The following FLRT3 variants were observed in gnomAD, a reference collection of about 807,000 sequenced individuals.
FLRT3 encodes the protein leucine-rich repeat transmembrane protein FLRT3.
A neutral mutation model predicts 42.6 loss-of-function variants in FLRT3; 17 were observed. That is an observed-to-expected ratio of 0.40 (90% CI 0.27 to 0.60). FLRT3 has a LOEUF of 0.60. Among genes scored for constraint, FLRT3 ranks in the 20% least tolerant of loss-of-function variants. FLRT3 has a pLI of 0.44. For synonymous variants in FLRT3, 279 were observed against 286.4 expected (o/e 0.97, Z 0.26); for missense variants, 635 against 789.2 (o/e 0.80, Z 2.34).
chr20:14,333,601 T>A (rs1165327061), intron 1 of FLRT3, among the ~76,000 whole-genome samples: 2 of 152,156 alleles, frequency 1.3e-5, no homozygotes, highest in Non-Finnish European at 2.9e-5. Flanking sequence ...TAAACCACGT[T>A]TTACCATTGC....
chr20:14,326,134 G>GT lies in FLRT3; in HGVS notation c.1372dup (p.Thr458AsnfsTer6), dbSNP rs2082730330. 1 of 1,613,728 alleles carries GT rather than the reference G, an allele frequency of 6.2e-7. No individual in the cohort carries two copies. The highest frequency in any genetic ancestry group is 8.5e-7 in the Non-Finnish European group (1 of 1,179,856). On this transcript the variant is annotated frameshift_variant, in exon 3 of 3. Transcript: ENST00000341420. LOFTEE classifies it high-confidence loss of function. This position sits in a 1 kb window ranked among gnomAD's most constrained non-coding sequence, Gnocchi z 5.5. Reference sequence around the variant, plus strand: ...GACCAAGTACTCACTGCGTTCCCCTGTTACAATTGTTTCTGTTATAGATCC... The same window carrying GT: ...GACCAAGTACTCACTGCGTTCCCCTGTTTACAATTGTTTCTGTTATAGATCC...
chr20:14,329,508 G>A (rs1481583342), intron 1 of FLRT3, among the ~76,000 whole-genome samples, 181 bp from the exon 2 acceptor site: 1 of 152,002 alleles, frequency 6.6e-6, no homozygotes, highest in East Asian at 1.9e-4. Context: ...AAATAAAGTA[G>A]GAGCCAAAGT....
At chr20:14,329,963 A>G (rs2082803367) in intron 1 of FLRT3, among the ~76,000 whole-genome samples, 1 of 152,004 alleles carries the variant, frequency 6.6e-6, no homozygotes, top group African/African-American at 2.4e-5. Flanking sequence ...TTCTTGCCCA[A>G]AAGGTGACAT....
Position 14,337,388 on chromosome 20 carries a change from C to A in FLRT3, c.-247+16G>T. On this transcript the variant is annotated intron_variant, in intron 1 of 2. Coordinates refer to ENST00000341420, the MANE Select transcript of FLRT3 (RefSeq NM_198391.3). ...TTTCTGGGACAATCATAAGAAAAAA[C>A]ATGGAAAACACTTACCAGGAAGACG... 94 of 265,108 alleles carry A rather than the reference C, an allele frequency of 3.5e-4. No individual in the cohort carries two copies. Among genetic ancestry groups the A allele is most frequent in the Non-Finnish European group, 4.5e-4 (64 of 142,716 alleles). 16.4% of individuals were successfully genotyped at this position (265,108 alleles called of 1,614,324 possible). A position where few individuals can be genotyped will look rare whatever the true frequency, so the allele number is the denominator to read the frequency against.
intron 1 of FLRT3, among the ~76,000 whole-genome samples, chr20:14,330,950 GTTAAT>G (rs1437685123): frequency 3.3e-5 from 5 of 152,006 alleles, no homozygotes; most frequent in East Asian, 1.9e-4. Flanking sequence ...AAATAATGTG[GTTAAT>G]TTAAGTTTAG....
intron 2 of FLRT3, among the ~76,000 whole-genome samples, chr20:14,328,332 T>C (rs1311496121): frequency 2.0e-5 from 3 of 152,128 alleles, no homozygotes; most frequent in Non-Finnish European, 4.4e-5. Context: ...CATTTTGTTA[T>C]ATGTTTCATA....
intron 1 of FLRT3, among the ~76,000 whole-genome samples, chr20:14,331,817 G>T (rs963527094): frequency 6.6e-6 from 1 of 151,852 alleles, no homozygotes; most frequent in Admixed American, 6.6e-5. Flanking sequence ...ACATATTTGC[G>T]CACCTAGAAA....
At position 14,324,160 on chromosome 20, in the gene FLRT3, A is replaced by G. The variant is rs574939647; in HGVS notation, c.*1397T>C. Reference sequence around the variant, plus strand: ...TTTTTAAAAGTTTTATTCAGCAATAAGACCATAATTTTTCATATTTAAGGA... The same window carrying G: ...TTTTTAAAAGTTTTATTCAGCAATAGGACCATAATTTTTCATATTTAAGGA... On this transcript the variant is annotated 3_prime_UTR_variant, in exon 3 of 3. Coordinates refer to ENST00000341420, the MANE Select transcript of FLRT3 (RefSeq NM_198391.3). 4.6e-5 allele frequency: 7 copies of G among 152,782 alleles called. No individual in the cohort carries two copies. Among genetic ancestry groups the G allele is most frequent in the Non-Finnish European group, 1.5e-5 (1 of 68,030 alleles). 9.5% of individuals were successfully genotyped at this position (152,782 alleles called of 1,614,324 possible).
rs1420235419 is a variant in FLRT3 at position 14,330,911 on chromosome 20, T to C, written c.-246-1584A>G. ...TTTTAAAGTATCTTCTGTAAAAGTT[T>C]TTTAAACTTGAAAATTATTCAACAT... On this transcript the variant is annotated intron_variant, in intron 1 of 2. Coordinates refer to ENST00000341420, the MANE Select transcript of FLRT3 (RefSeq NM_198391.3). Among the ~76,000 whole-genome samples the C allele has an allele frequency of 3.9e-5, 6 of 152,162 alleles. No individual in the cohort carries two copies. The East Asian group carries it at 1.2e-3, about 29-fold the overall frequency.
intron 1 of FLRT3, among the ~76,000 whole-genome samples, chr20:14,334,518 G>A (rs1020353030): frequency 3.3e-4 from 50 of 152,090 alleles, no homozygotes; most frequent in African/African-American, 1.1e-3. Context: ...TTTGCCCACT[G>A]GGGGGTGGTA....
In FLRT3 at chr20:14,324,291, A is replaced by G. The variant is rs1601477133; in HGVS notation, c.*1266T>C. 1 of 2,428 alleles carries G rather than the reference A, an allele frequency of 4.1e-4. No homozygotes were observed. The highest frequency in any genetic ancestry group is 2.1e-3 in the Non-Finnish European group (1 of 474). The allele number at this position is 2,428 out of a possible 1,614,324, so 0.2% of individuals were successfully genotyped here. ...TACAATGCACTTTGGTTTTTTGTTG[A>G]AAAAAAAAAAATCATGGCAACAGAA... On this transcript the variant is annotated 3_prime_UTR_variant, in exon 3 of 3. Transcript: ENST00000341420.
Position 14,327,472 on chromosome 20 carries a change from C to G in FLRT3, c.35G>C (p.Gly12Ala). 6.2e-7 allele frequency: 1 copy of G among 1,613,022 alleles called. No individual in the cohort carries two copies. Among genetic ancestry groups the G allele is most frequent in the Admixed American group, 1.7e-5 (1 of 59,896 alleles). The stretch of plus-strand genomic sequence containing the variant: ...TTGAAGGAACAGCCCAATTTTAGTC[C>G]CGATGAGGAAGATGCTCCAGGCTGC... ...ISAAWSIFLI[G>A]TKIGLFLQVA... The change falls in exon 3 of 3, where the codon GGG becomes GCG. Residue 12 changes from glycine to alanine, a missense_variant. By Grantham distance (60) the Gly-to-Ala change is moderately conservative. Transcript: ENST00000341420.
rs563353380 is a variant in FLRT3, at chr20:14,333,319, A to C, written c.-246-3992T>G. On this transcript the variant is annotated intron_variant, in intron 1 of 2. Coordinates refer to ENST00000341420, the MANE Select transcript of FLRT3 (RefSeq NM_198391.3). ...CCGGTACGTTTCTGACAAATGAATCAAATTCTGCTTCATTTATTTTGACTT... is the reference window on the plus strand; with the variant it reads ...CCGGTACGTTTCTGACAAATGAATCCAATTCTGCTTCATTTATTTTGACTT... Among the ~76,000 whole-genome samples the C allele has an allele frequency of 3.9e-5, 6 of 152,294 alleles. No individual in the cohort carries two copies. In the South Asian group the frequency reaches 6.2e-4, roughly 16 times the overall value.
intron 1 of FLRT3, among the ~76,000 whole-genome samples, chr20:14,333,820 G>A (rs904626611): frequency 3.3e-5 from 5 of 152,164 alleles, no homozygotes; most frequent in Non-Finnish European, 7.3e-5. Flanking sequence ...ACCAGATGAA[G>A]AGGAAGAAAA....
intron 2 of FLRT3, among the ~76,000 whole-genome samples, chr20:14,328,760 C>T (rs985783038): frequency 6.6e-6 from 1 of 152,072 alleles, no homozygotes; most frequent in Admixed American, 6.6e-5. Context: ...TGTCAATGAA[C>T]ATTCCAGCTG....
At chr20:14,332,705 A>C (rs2082867043) in intron 1 of FLRT3, among the ~76,000 whole-genome samples, 1 of 152,140 alleles carries the variant, frequency 6.6e-6, no homozygotes, top group Non-Finnish European at 1.5e-5. Flanking sequence ...TAGAACTTTT[A>C]ATCCAAGTTA....
rs977144430 is a variant in FLRT3, at chr20:14,329,124, G to A, written c.-53+10C>T. 1.3e-5 allele frequency: 2 copies of A among 151,974 alleles called. No homozygotes were observed. The highest frequency in any genetic ancestry group is 1.9e-4 in the East Asian group (1 of 5,170). 9.4% of individuals were successfully genotyped at this position (151,974 alleles called of 1,614,324 possible). On this transcript the variant is annotated intron_variant, in intron 2 of 2. Transcript: ENST00000341420. ...CTTTGTACAGTAGCTACATCCTGAG[G>A]TATGATTACCTGCTGTGAAATAGCT...
Position 14,326,541 on chromosome 20 carries a change from T to C in FLRT3, c.966A>G (p.Ser322=). The part of the protein sequence containing the change: ...KMKWVRDWLQ[S]LPVKVNVRGL... ...CACGCACGTTGACCTTCACAGGTAGTGATTGTAACCAGTCACGTACCCATT... is the reference window on the plus strand; with the variant it reads ...CACGCACGTTGACCTTCACAGGTAGCGATTGTAACCAGTCACGTACCCATT... The change falls in exon 3 of 3, where the codon TCA becomes TCG. Residue 322 remains serine (S), a synonymous_variant. Transcript: ENST00000341420. This position sits in a 1 kb window ranked among gnomAD's most constrained non-coding sequence, Gnocchi z 5.5. 6.2e-7 allele frequency: 1 copy of C among 1,613,884 alleles called. No individual in the cohort carries two copies. The highest frequency in any genetic ancestry group is 1.1e-5 in the South Asian group (1 of 91,072).
chr20:14,332,450 T>C (rs1444079852), intron 1 of FLRT3, among the ~76,000 whole-genome samples: 2 of 152,274 alleles, frequency 1.3e-5, no homozygotes, highest in East Asian at 3.9e-4. Context: ...AAGGTATTTC[T>C]TATGTTTTGA....
Sources: gnomAD v4.1 joint callset for allele counts (sites outside exome capture counted in the v4.1 genomes callset) on GRCh38, gnomAD v4.1.1 for gene constraint, Gnocchi (gnomAD v3.1) non-coding constraint, MANE v1.5 for transcripts, NCBI Gene and HGNC (gene_info 2026-07-23, HGNC 2026-07-21) for gene names.